The following MCTP1 variants were observed in gnomAD, a reference collection of about 807,000 sequenced individuals.
The protein encoded by MCTP1 is multiple C2 and transmembrane domain-containing protein 1.
MCTP1 carries 69 observed loss-of-function variants against 120.6 expected under a neutral mutation model. That is an observed-to-expected ratio of 0.57 (90% CI 0.47 to 0.70). The LOEUF (loss-of-function observed/expected upper bound fraction) is 0.70, where lower values mean the gene tolerates loss of function less well. Ranked by LOEUF, MCTP1 falls within the 30% of genes least tolerant of loss-of-function variation. The probability of loss-of-function intolerance (pLI) is 0.00; values close to 1 mark genes in which losing one functional copy is unlikely to be tolerated. For missense variants in MCTP1, 1,203 were observed against 1,248.8 expected, an observed-to-expected ratio of 0.96 and a Z score of 0.55; for synonymous variants, 529 against 493.1, an observed-to-expected ratio of 1.07 and a Z score of -0.96.
At chr5:94,952,067 G>A (rs1820729044) in intron 3 of MCTP1, among the ~76,000 whole-genome samples, 1 of 150,502 alleles carries the variant, frequency 6.6e-6, no homozygotes, top group Non-Finnish European at 1.5e-5. Context: ...AGCTACTGAG[G>A]AGGCTGAGGC....
Position 94,909,388 on chromosome 5 carries a change from A to G in MCTP1, c.1522-7T>C. The stretch of plus-strand genomic sequence containing the variant: ...TCAACGTTTTTGGCATAATCTGGAA[A>G]AAAAAATCATAATTGTCATATTGCT... On this transcript the variant is annotated splice_polypyrimidine_tract_variant and splice_region_variant and intron_variant, in intron 9 of 22. Coordinates refer to ENST00000515393, the MANE Select transcript of MCTP1 (RefSeq NM_024717.7). 1 of 1,570,640 alleles carries G rather than the reference A, an allele frequency of 6.4e-7. No homozygotes were observed. Among genetic ancestry groups the G allele is most frequent in the South Asian group, 1.2e-5 (1 of 82,460 alleles).
chr5:94,905,536 A>G (rs185281951), intron 10 of MCTP1, among the ~76,000 whole-genome samples: 109 of 152,264 alleles, frequency 7.2e-4, no homozygotes, highest in African/African-American at 2.5e-3. Flanking sequence ...AGAGATGATG[A>G]GCGGTCGAGA....
intron 18 of MCTP1, among the ~76,000 whole-genome samples, chr5:94,780,914 A>G (rs927231400): frequency 2.6e-5 from 4 of 152,150 alleles, no homozygotes. Context: ...AAGTATTCAC[A>G]TCACAAATAC....
At chr5:95,073,901 A>G (rs1752885460) in intron 1 of MCTP1, among the ~76,000 whole-genome samples, 2 of 152,162 alleles carry the variant, frequency 1.3e-5, no homozygotes, top group African/African-American at 2.4e-5. Flanking sequence ...TCACGAGGTC[A>G]GGAGTTCAAG....
chr5:94,807,058 C>T (rs1215126229), intron 17 of MCTP1, among the ~76,000 whole-genome samples: 1 of 152,152 alleles, frequency 6.6e-6, no homozygotes, highest in Non-Finnish European at 1.5e-5. Context: ...ATCTTCACCC[C>T]TTAATGTTTT....
chr5:94,908,939 T>C (rs568464519), intron 10 of MCTP1, among the ~76,000 whole-genome samples: 22 of 152,182 alleles, frequency 1.4e-4, no homozygotes, highest in Admixed American at 7.9e-4. Context: ...TTACAGACTA[T>C]GAATATGGTC....
At chr5:94,733,358 C>T (rs1763495064) in intron 19 of MCTP1, among the ~76,000 whole-genome samples, 1 of 152,180 alleles carries the variant, frequency 6.6e-6, no homozygotes, top group South Asian at 2.1e-4. Flanking sequence ...TATCCAGTGT[C>T]CTCAAGCACA....
chr5:94,901,692 T>A (rs996952565), intron 10 of MCTP1, among the ~76,000 whole-genome samples: 65 of 152,092 alleles, frequency 4.3e-4, no homozygotes, highest in Non-Finnish European at 7.4e-5. Context: ...GGTGATGTTA[T>A]CCTCTAAAAG....
intron 2 of MCTP1, among the ~76,000 whole-genome samples, chr5:94,982,191 C>T (rs1378488729): frequency 6.6e-6 from 1 of 152,066 alleles, no homozygotes; most frequent in Non-Finnish European, 1.5e-5. Context: ...CATTTCTTAT[C>T]TTTATGTCTA....
At chr5:94,944,633 C>T (rs1818495819) in intron 3 of MCTP1, among the ~76,000 whole-genome samples, 1 of 151,996 alleles carries the variant, frequency 6.6e-6, no homozygotes. Context: ...GGCGATTCAA[C>T]ATCCAACCTC....
intron 1 of MCTP1, among the ~76,000 whole-genome samples, chr5:95,126,070 T>A (rs1758607186): frequency 6.6e-6 from 1 of 152,226 alleles, no homozygotes; most frequent in Non-Finnish European, 1.5e-5. Flanking sequence ...AAATTGGTTT[T>A]TTGTTTTGCT....
At chr5:94,822,704 C>A (rs1332301390) in intron 17 of MCTP1, among the ~76,000 whole-genome samples, 1 of 152,204 alleles carries the variant, frequency 6.6e-6, no homozygotes, top group Non-Finnish European at 1.5e-5. Context: ...TTCTCCACAT[C>A]CTCTCCAGCA....
chr5:95,099,226 T>A (rs1446610460), intron 1 of MCTP1, among the ~76,000 whole-genome samples: 1 of 152,104 alleles, frequency 6.6e-6, no homozygotes, highest in Non-Finnish European at 1.5e-5. Flanking sequence ...GGACTTCATG[T>A]CTAAAACACC....
chr5:95,139,918 G>A (rs1759765894), intron 1 of MCTP1, among the ~76,000 whole-genome samples: 1 of 152,198 alleles, frequency 6.6e-6, no homozygotes, highest in Non-Finnish European at 1.5e-5. Flanking sequence ...AAAATAAAAT[G>A]ATCCAGAGAA....
intron 17 of MCTP1, among the ~76,000 whole-genome samples, chr5:94,847,068 T>C (rs1038776462): frequency 6.6e-6 from 1 of 152,182 alleles, no homozygotes; most frequent in Admixed American, 6.6e-5. Context: ...ATGCTAAAAT[T>C]TGCGAACCTA....
At chr5:95,143,469 G>A (rs191510886) in intron 1 of MCTP1, among the ~76,000 whole-genome samples, 13 of 152,070 alleles carry the variant, frequency 8.5e-5, no homozygotes, top group Admixed American at 3.3e-4. Flanking sequence ...TTTTTTACCC[G>A]GGTATATTGT....
Position 95,284,998 on chromosome 5 carries a change from G to A in MCTP1, c.-423C>T, listed in dbSNP as rs1010090281. Among the ~76,000 whole-genome samples, 1 of 152,150 alleles carries A rather than the reference G, an allele frequency of 6.6e-6. No homozygotes were observed. The highest frequency in any genetic ancestry group is 1.5e-5 in the Non-Finnish European group (1 of 68,002). ...GGGCGTGCGCGTCCAGCTGCGCCAG[G>A]GACCGCACCCGGCGCCCTCTGGGCA... is the stretch of plus-strand genomic sequence containing the variant. On this transcript the variant is annotated 5_prime_UTR_variant, in exon 1 of 23. Transcript: ENST00000515393. The surrounding 1 kb of genome is among the most constrained non-coding windows in gnomAD (Gnocchi z 5.2).
At chr5:95,082,321 G>A (rs1403474082) in intron 1 of MCTP1, among the ~76,000 whole-genome samples, 1 of 152,136 alleles carries the variant, frequency 6.6e-6, no homozygotes, top group Non-Finnish European at 1.5e-5. Context: ...AATTTTACAT[G>A]CTTTCTCCAC....
intron 17 of MCTP1, 57 bp downstream of exon 17, chr5:94,868,275 GC>G (rs1797193475): frequency 2.7e-6 from 4 of 1,469,398 alleles, no homozygotes; most frequent in Non-Finnish European, 3.6e-6. Context: ...ACAGAAACAT[GC>G]AGCTATGATT....
Sources: gnomAD v4.1 joint callset for allele counts (sites outside exome capture counted in the v4.1 genomes callset) on GRCh38, gnomAD v4.1.1 for gene constraint, Gnocchi (gnomAD v3.1) non-coding constraint, MANE v1.5 for transcripts, NCBI Gene and HGNC (gene_info 2026-07-23, HGNC 2026-07-21) for gene names.